The following COG5 variants were observed in gnomAD, a reference collection of about 807,000 sequenced individuals.
The protein encoded by COG5 is conserved oligomeric Golgi complex subunit 5.
Under a neutral mutation model 110.4 loss-of-function variants are expected in COG5, and 86 were observed. The observed-to-expected ratio is 0.78, with a 90% CI of 0.65 to 0.93. The LOEUF is 0.93. Among genes scored for constraint, COG5 ranks in the 40% least tolerant of loss-of-function variants. The pLI is 0.00. For synonymous variants in COG5, 360 were observed against 334.6 expected (o/e 1.08, Z -0.83); for missense variants, 1,077 against 987.0 (o/e 1.09, Z -1.22).
chr7:107,492,285 A>G (rs933880089), intron 6 of COG5, among the ~76,000 whole-genome samples: 27 of 151,998 alleles, frequency 1.8e-4, no homozygotes, highest in Admixed American at 2.6e-4. Context: ...CAAAACAAAC[A>G]GTACTCTTTC....
At chr7:107,283,853 G>C (rs1584619031) in intron 12 of COG5, 121 bp from the exon 13 acceptor site, 1 of 663,692 alleles carries the variant, frequency 1.5e-6, no homozygotes. Context: ...TCTATATTAA[G>C]AAAAAGAAAA....
At chr7:107,412,101 T>C (rs1370457656) in intron 7 of COG5, among the ~76,000 whole-genome samples, 2 of 152,160 alleles carry the variant, frequency 1.3e-5, no homozygotes, top group Non-Finnish European at 2.9e-5. Context: ...AGCTATGTGA[T>C]TTTCAACAAC....
chr7:107,343,515 T>C (rs2129037334), intron 10 of COG5, among the ~76,000 whole-genome samples: 1 of 152,074 alleles, frequency 6.6e-6, no homozygotes, highest in East Asian at 1.9e-4. Context: ...ACCCTATCTC[T>C]ATAAAAAATA....
chr7:107,316,067 A>G (rs895029188), intron 11 of COG5, among the ~76,000 whole-genome samples: 10 of 152,212 alleles, frequency 6.6e-5, no homozygotes, highest in Admixed American at 3.3e-4. Context: ...AGACAGCCAG[A>G]TTACACCTAG....
At chr7:107,458,993 T>C (rs998609846) in intron 6 of COG5, among the ~76,000 whole-genome samples, 1 of 151,234 alleles carries the variant, frequency 6.6e-6, no homozygotes, top group African/African-American at 2.4e-5. Context: ...GAAGGTAAAA[T>C]GGAAATGTAA....
chr7:107,259,810 G>T (rs1803185274), intron 14 of COG5, among the ~76,000 whole-genome samples: 2 of 152,046 alleles, frequency 1.3e-5, no homozygotes, highest in African/African-American at 4.8e-5. Flanking sequence ...TATGCTTGCT[G>T]CTAGAAAAGG....
intron 7 of COG5, 68 bp downstream of exon 7, chr7:107,412,434 T>C (rs988525737): frequency 8.0e-6 from 12 of 1,495,926 alleles, no homozygotes; most frequent in Non-Finnish European, 1.1e-5. Context: ...TTTTTTGAAC[T>C]CAAAGTCAAA....
At chr7:107,557,844 T>C in intron 2 of COG5, 132 bp downstream of exon 2, 1 of 1,223,572 alleles carries the variant, frequency 8.2e-7, no homozygotes, top group Non-Finnish European at 1.2e-6. Flanking sequence ...AAATTTACTT[T>C]GAAAAATAAG....
intron 11 of COG5, among the ~76,000 whole-genome samples, chr7:107,315,551 A>G (rs901222077): frequency 1.4e-5 from 2 of 147,496 alleles, no homozygotes; most frequent in East Asian, 3.9e-4. Flanking sequence ...CTCTTGGATT[A>G]CCTTCTAATA....
chr7:107,398,811 G>C (rs1324692841), intron 7 of COG5, among the ~76,000 whole-genome samples: 1 of 152,196 alleles, frequency 6.6e-6, no homozygotes, highest in Non-Finnish European at 1.5e-5. Flanking sequence ...TTGGGGGTAG[G>C]AGGAGGAACT....
chr7:107,362,234 C>T (rs1584729721), intron 9 of COG5, 74 bp downstream of exon 9: 1 of 1,407,494 alleles, frequency 7.1e-7, no homozygotes, highest in Admixed American at 1.8e-5. Flanking sequence ...AAAAAACCTG[C>T]CCAAGGTCAC....
intron 19 of COG5, among the ~76,000 whole-genome samples, chr7:107,215,847 C>T (rs1799491542): frequency 6.6e-6 from 1 of 151,528 alleles, no homozygotes. Flanking sequence ...GTAGCTGGGA[C>T]TAGAGGCGCC....
At chr7:107,558,977 T>A (rs1011048906) in intron 1 of COG5, among the ~76,000 whole-genome samples, 1 of 128,702 alleles carries the variant, frequency 7.8e-6, no homozygotes, top group African/African-American at 3.0e-5. Context: ...GAAAACAAGA[T>A]CATTGTCAGT....
intron 6 of COG5, among the ~76,000 whole-genome samples, chr7:107,512,368 T>C (rs1481979435): frequency 6.6e-6 from 1 of 152,152 alleles, no homozygotes; most frequent in Admixed American, 6.5e-5. Flanking sequence ...CAAGGAGAAC[T>C]ACAAGCCACT....
At chr7:107,413,624 T>A (rs1419225288) in intron 6 of COG5, among the ~76,000 whole-genome samples, 1 of 151,950 alleles carries the variant, frequency 6.6e-6, no homozygotes, top group Non-Finnish European at 1.5e-5. Context: ...ATTATGATAC[T>A]AAATTTCCCC....
intron 10 of COG5, among the ~76,000 whole-genome samples, chr7:107,348,877 A>T (rs893119729): frequency 8.0e-5 from 12 of 149,616 alleles, no homozygotes; most frequent in East Asian, 1.9e-4. Context: ...TTTTTTTTTT[A>T]AAGAGATAGG....
chr7:107,418,837 C>G (rs1218941095), intron 6 of COG5, among the ~76,000 whole-genome samples: 6 of 151,832 alleles, frequency 4.0e-5, no homozygotes, highest in African/African-American at 1.5e-4. Flanking sequence ...TACAGTGGCA[C>G]AATCACAGCT....
intron 19 of COG5, among the ~76,000 whole-genome samples, chr7:107,228,884 G>C (rs1800561094): frequency 6.6e-6 from 1 of 151,856 alleles, no homozygotes; most frequent in African/African-American, 2.4e-5. Flanking sequence ...TCCACCAGAA[G>C]TTTCTACTAC....
At chr7:107,345,556 T>C (rs1036220613) in intron 10 of COG5, among the ~76,000 whole-genome samples, 2 of 151,954 alleles carry the variant, frequency 1.3e-5, no homozygotes, top group African/African-American at 4.8e-5. Context: ...CAGGGGAAAG[T>C]AAGGGGTAGG....
Sources: allele counts gnomAD v4.1 joint callset (sites outside exome capture counted in the v4.1 genomes callset), GRCh38; gene constraint gnomAD v4.1.1; transcripts MANE v1.5; gene names NCBI Gene and HGNC (gene_info 2026-07-23, HGNC 2026-07-21).